Variants in IL5 observed in about 807,000 individuals in gnomAD.
The protein encoded by IL5 is interleukin-5.
A neutral mutation model predicts 16.3 loss-of-function variants in IL5; 12 were observed. The observed-to-expected ratio is 0.74, with a 90% CI of 0.47 to 1.20. The LOEUF (loss-of-function observed/expected upper bound fraction) is 1.20, where lower values mean the gene tolerates loss of function less well. Among genes scored for constraint, IL5 ranks in the 50% most tolerant of loss-of-function variants. The pLI is 0.00. For synonymous variants in IL5, 54 were observed against 56.6 expected, an observed-to-expected ratio of 0.95 and a Z score of 0.21; for missense variants, 159 against 153.9, an observed-to-expected ratio of 1.03 and a Z score of -0.17.
intron 1 of IL5, among the ~76,000 whole-genome samples, chr5:132,553,221 T>C (rs1749912539): frequency 6.6e-6 from 1 of 152,246 alleles, no homozygotes; most frequent in African/African-American, 2.4e-5. Context: ...CCTGTGCCAG[T>C]GTCTTGTAAC....
intron 1 of IL5, among the ~76,000 whole-genome samples, chr5:132,553,708 G>C (rs540848401): frequency 2.2e-4 from 34 of 152,022 alleles, no homozygotes; most frequent in African/African-American, 6.8e-4. Context: ...AGCCCGAGGC[G>C]GGCGGATCGC....
intron 1 of IL5, among the ~76,000 whole-genome samples, chr5:132,549,944 A>G (rs906433609): frequency 6.6e-6 from 1 of 152,230 alleles, no homozygotes; most frequent in South Asian, 2.1e-4. Flanking sequence ...TATAGCAACT[A>G]TCAGTTTTTT....
intron 1 of IL5, 69 bp from the exon 2 acceptor site, chr5:132,543,195 G>T: frequency 6.7e-7 from 1 of 1,481,524 alleles, no homozygotes; most frequent in Non-Finnish European, 9.4e-7. Flanking sequence ...CAGAATGTTT[G>T]CTGGTGATGT....
At chr5:132,548,733 G>C (rs1032480117) in intron 1 of IL5, among the ~76,000 whole-genome samples, 5 of 152,188 alleles carry the variant, frequency 3.3e-5, no homozygotes, top group African/African-American at 1.2e-4. Context: ...CTTGTACCTT[G>C]AGCTACCGGG....
chr5:132,542,138 T>C lies in IL5; in HGVS notation c.183A>G (p.Gln61=), dbSNP rs763072449. ...RIPVPVHKNH[Q]LCTEEIFQGI... is the part of the protein sequence containing the mutation. ...CCTGAAAGATTTCTTCAGTGCACAGTTGGTGCTAAATGAGGAAAATTTTTA... is the reference window on the plus strand; with the variant it reads ...CCTGAAAGATTTCTTCAGTGCACAGCTGGTGCTAAATGAGGAAAATTTTTA... The change falls in exon 3 of 4, where the codon CAA becomes CAG. Residue 61 remains glutamine (Q), a synonymous_variant. Transcript: ENST00000231454. 2.5e-6 allele frequency: 4 copies of C among 1,604,610 alleles called. No individual in the cohort carries two copies. The highest frequency in any genetic ancestry group is 2.2e-5 in the East Asian group (1 of 44,840).
At position 132,543,403 on chromosome 5, in the gene IL5, TG is replaced by T; in HGVS notation, c.75del (p.Thr26GlnfsTer5). On this transcript the variant is annotated frameshift_variant, in exon 1 of 4. Transcript: ENST00000231454. LOFTEE classifies it high-confidence loss of function. ...AYVYAIPTEI[P>X]TSALVKETLA... ...AAGGTCTCTTTCACCAATGCACTTGTGGGAATTTCTGTGGGGATGGCATACA... is the reference window on the plus strand; with the variant it reads ...AAGGTCTCTTTCACCAATGCACTTGTGGAATTTCTGTGGGGATGGCATACA... 1 of 1,614,138 alleles carries T rather than the reference TG, an allele frequency of 6.2e-7. No homozygotes were observed. Among genetic ancestry groups the T allele is most frequent in the Non-Finnish European group, 8.5e-7 (1 of 1,180,026 alleles).
intron 1 of IL5, 63 bp downstream of exon 1, chr5:132,543,272 A>G: frequency 6.7e-7 from 1 of 1,490,262 alleles, no homozygotes; most frequent in Non-Finnish European, 9.3e-7. Flanking sequence ...TATATAGTAA[A>G]GGAACCATCA....
Position 132,541,904 on chromosome 5 carries a change from C to CT in IL5, c.311dup (p.Cys105ValfsTer73), listed in dbSNP as rs1275224716. 5 of 1,613,558 alleles carry CT rather than the reference C, an allele frequency of 3.1e-6. No homozygotes were observed. Among genetic ancestry groups the CT allele is most frequent in the Non-Finnish European group, 8.5e-7 (1 of 1,179,670 alleles). On this transcript the variant is annotated frameshift_variant, in exon 4 of 4. Coordinates refer to ENST00000231454, the MANE Select transcript of IL5 (RefSeq NM_000879.3). LOFTEE classifies it high-confidence loss of function. ...TTACTCTCCGTCTTTCTTCTCCACACTTTTTCTGTGAAAAAAGAAAAATGA... is the reference window on the plus strand; with the variant it reads ...TTACTCTCCGTCTTTCTTCTCCACACTTTTTTCTGTGAAAAAAGAAAAATGA...
chr5:132,544,044 G>C (rs1749746027), upstream of IL5: 1 of 152,248 alleles, frequency 6.6e-6, no homozygotes, highest in Non-Finnish European at 1.5e-5. Context: ...TGTTGCCAGT[G>C]ACTAAAAACC....
At chr5:132,546,861 T>TA (rs1749802095), upstream of IL5, among the ~76,000 whole-genome samples, 1 of 151,814 alleles carries the variant, frequency 6.6e-6, no homozygotes, top group Non-Finnish European at 1.5e-5. Context: ...CCATCTCCAC[T>TA]AAAAATACAA....
chr5:132,549,497 A>T (rs1419846117), intron 1 of IL5, among the ~76,000 whole-genome samples: 3 of 152,224 alleles, frequency 2.0e-5, no homozygotes, highest in African/African-American at 4.8e-5. Flanking sequence ...TAGATTTTTT[A>T]AAATCCACGT....
At chr5:132,545,041 A>G (rs1337717082), upstream of IL5, among the ~76,000 whole-genome samples, 3 of 152,182 alleles carry the variant, frequency 2.0e-5, no homozygotes, top group East Asian at 5.8e-4. Context: ...CACTTGAGAA[A>G]TGTTTTCCTT....
chr5:132,555,354 G>C (rs1388308282), intron 1 of IL5, among the ~76,000 whole-genome samples: 1 of 152,206 alleles, frequency 6.6e-6, no homozygotes, highest in Admixed American at 6.5e-5. Context: ...TATAGAGACA[G>C]TAAGTAGAAT....
chr5:132,543,694 GT>G (rs869123917), upstream of IL5: 5 of 391,786 alleles, frequency 1.3e-5, no homozygotes, highest in Non-Finnish European at 2.2e-5. Flanking sequence ...AAAAATCCCT[GT>G]TTCCCCCCTT....
intron 2 of IL5, among the ~76,000 whole-genome samples, chr5:132,542,362 A>G (rs1315450866): frequency 6.6e-6 from 1 of 152,154 alleles, no homozygotes; most frequent in Non-Finnish European, 1.5e-5. Context: ...CCCTTCTCCA[A>G]AGAGTTTTTT....
upstream of IL5, among the ~76,000 whole-genome samples, chr5:132,548,280 G>A (rs1247085550): frequency 6.6e-6 from 1 of 151,732 alleles, no homozygotes; most frequent in East Asian, 1.9e-4. Flanking sequence ...AATGCAGTTG[G>A]CACCTTTTTA....
At chr5:132,543,640 G>T, upstream of IL5, 1 of 489,096 alleles carries the variant, frequency 2.0e-6, no homozygotes, top group Non-Finnish European at 3.3e-6. Context: ...TGTTTCCAAT[G>T]CCTTATATCT....
At chr5:132,550,169 T>C (rs1405756888) in intron 1 of IL5, among the ~76,000 whole-genome samples, 1 of 152,206 alleles carries the variant, frequency 6.6e-6, no homozygotes, top group African/African-American at 2.4e-5. Flanking sequence ...TGGGGTTGTT[T>C]CTAGCCTTCC....
chr5:132,547,334 T>A (rs1405057693), upstream of IL5, among the ~76,000 whole-genome samples: 1 of 152,232 alleles, frequency 6.6e-6, no homozygotes, highest in Non-Finnish European at 1.5e-5. Flanking sequence ...TGATTTGATG[T>A]GATAAGAAAG....
Sources: gnomAD v4.1 joint callset for allele counts (sites outside exome capture counted in the v4.1 genomes callset) on GRCh38, gnomAD v4.1.1 for gene constraint, MANE v1.5 for transcripts, NCBI Gene and HGNC (gene_info 2026-07-23, HGNC 2026-07-21) for gene names.